The following TPD52L1 variants were observed in gnomAD, a reference collection of about 807,000 sequenced individuals.
The protein encoded by TPD52L1 is tumor protein D53.
In TPD52L1, 18 loss-of-function variants were observed where a neutral mutation model predicts 28.7. The observed-to-expected ratio is 0.63, with a 90% CI of 0.43 to 0.93. TPD52L1 has a LOEUF of 0.93. Among genes scored for constraint, TPD52L1 ranks in the 40% least tolerant of loss-of-function variants. The probability of loss-of-function intolerance (pLI) is 0.00; values close to 1 mark genes in which losing one functional copy is unlikely to be tolerated. For synonymous variants in TPD52L1, 75 were observed against 88.8 expected, an observed-to-expected ratio of 0.84 and a Z score of 0.88; for missense variants, 203 against 254.8, an observed-to-expected ratio of 0.80 and a Z score of 1.39.
intron 2 of TPD52L1, among the ~76,000 whole-genome samples, chr6:125,221,271 T>A (rs560058547): frequency 6.8e-4 from 104 of 152,284 alleles, no homozygotes; most frequent in Non-Finnish European, 1.3e-3. Context: ...TTTAGCTGGG[T>A]CTGTCTGTGG....
chr6:125,236,729 CAG>C (rs1013643996), intron 3 of TPD52L1, among the ~76,000 whole-genome samples: 1 of 152,134 alleles, frequency 6.6e-6, no homozygotes, highest in Non-Finnish European at 1.5e-5. Context: ...TCAGGCCACA[CAG>C]AGTCAGTGGC....
At chr6:125,208,291 A>C (rs1794285693) in intron 1 of TPD52L1, among the ~76,000 whole-genome samples, 1 of 152,204 alleles carries the variant, frequency 6.6e-6, no homozygotes, top group African/African-American at 2.4e-5. Context: ...TGTTACTAGG[A>C]TTCAGCTGGG....
At chr6:125,171,401 G>A (rs974686136) in intron 1 of TPD52L1, among the ~76,000 whole-genome samples, 3 of 152,146 alleles carry the variant, frequency 2.0e-5, no homozygotes, top group African/African-American at 7.2e-5. Context: ...TAGAGCATGG[G>A]CAAGACAGTA....
At chr6:125,164,272 A>G (rs1009502290) in intron 1 of TPD52L1, among the ~76,000 whole-genome samples, 1 of 152,234 alleles carries the variant, frequency 6.6e-6, no homozygotes, top group African/African-American at 2.4e-5. Context: ...GTCTGGGAAT[A>G]TGAATGGGAC....
intron 1 of TPD52L1, among the ~76,000 whole-genome samples, chr6:125,187,462 C>G (rs552698460): frequency 4.2e-4 from 64 of 152,082 alleles, no homozygotes; most frequent in Non-Finnish European, 8.4e-4. Flanking sequence ...CATTGCAGCA[C>G]TGGTTATAGT....
chr6:125,245,729 C>A (rs559702812), intron 3 of TPD52L1, among the ~76,000 whole-genome samples: 1 of 152,156 alleles, frequency 6.6e-6, no homozygotes, highest in Non-Finnish European at 1.5e-5. Flanking sequence ...CCAGCTCCCA[C>A]GCAGTTGGCG....
chr6:125,231,921 G>A (rs1260726), intron 3 of TPD52L1, among the ~76,000 whole-genome samples: 5 of 152,188 alleles, frequency 3.3e-5, no homozygotes, highest in Non-Finnish European at 7.3e-5. Flanking sequence ...GTTCGTAAAG[G>A]CTGCAGGACA....
In TPD52L1 at chr6:125,219,471, C is replaced by A. The variant is rs369864858; in HGVS notation, c.20-607C>A. Among the ~76,000 whole-genome samples the A allele has an allele frequency of 2.7e-4, 41 of 152,298 alleles. No homozygotes were observed. In the East Asian group the frequency reaches 7.3e-3, roughly 27 times the overall value. The stretch of plus-strand genomic sequence containing the variant: ...AAAGGCTTCATATTTTAAATTCTAA[C>A]CTCAAGGTTGTTGTGGACGACCCAG... On this transcript the variant is annotated intron_variant, in intron 1 of 6. Transcript: ENST00000534000.
chr6:125,172,344 G>C (rs914217983), intron 1 of TPD52L1, among the ~76,000 whole-genome samples: 2 of 138,482 alleles, frequency 1.4e-5, no homozygotes, highest in Non-Finnish European at 3.1e-5. Flanking sequence ...ACCCAGACTA[G>C]AGTGCAGTGG....
Position 125,184,515 on chromosome 6 carries a change from T to C in TPD52L1, c.19+30545T>C, listed in dbSNP as rs143387375. Among the ~76,000 whole-genome samples the C allele has an allele frequency of 4.1e-3, 628 of 152,336 alleles. 4 individuals are homozygous for C. The highest frequency in any genetic ancestry group is 0.014 in the African/African-American group (598 of 41,582). On this transcript the variant is annotated intron_variant, in intron 1 of 6. Coordinates refer to ENST00000534000, the MANE Select transcript of TPD52L1 (RefSeq NM_003287.4). Reference sequence around the variant, plus strand: ...CCAAAGAGGCCAGCTTCCAGCACTTTGCAGCAAAGGCAGGTATGTCCACAC... The same window carrying C: ...CCAAAGAGGCCAGCTTCCAGCACTTCGCAGCAAAGGCAGGTATGTCCACAC...
chr6:125,221,981 G>C lies in TPD52L1; in HGVS notation c.135+1788G>C, dbSNP rs531638202. The C allele has an allele frequency of 3.3e-5, 5 of 152,330 alleles. No homozygotes were observed. In the South Asian group the frequency reaches 1.0e-3, roughly 32 times the overall value. The allele number at this position is 152,330 out of a possible 1,614,324, so 9.4% of individuals were successfully genotyped here. On this transcript the variant is annotated intron_variant, in intron 2 of 6. Coordinates refer to ENST00000534000, the MANE Select transcript of TPD52L1 (RefSeq NM_003287.4). ...CACATGAGCACAGCTCTCTGCCCCAGGCCTGGTGAAAAGCAGAGAAAGTGT... is the reference window on the plus strand; with the variant it reads ...CACATGAGCACAGCTCTCTGCCCCACGCCTGGTGAAAAGCAGAGAAAGTGT...
intron 1 of TPD52L1, among the ~76,000 whole-genome samples, chr6:125,206,667 TTGAA>T (rs1013993455): frequency 6.6e-6 from 1 of 152,180 alleles, no homozygotes; most frequent in African/African-American, 2.4e-5. Context: ...ATGGAGGACT[TTGAA>T]TGATTATATA....
chr6:125,172,541 T>TATATATTATATATATATATA (rs1562214699), intron 1 of TPD52L1, among the ~76,000 whole-genome samples: 2 of 95,134 alleles, frequency 2.1e-5, no homozygotes, highest in African/African-American at 9.6e-5. Flanking sequence ...TATATATATA[T>TATATATTATATATATATATA]ATATATATAT....
At chr6:125,262,671 C>A in intron 6 of TPD52L1, 163 bp from the exon 7 acceptor site, 1 of 931,528 alleles carries the variant, frequency 1.1e-6, no homozygotes, top group Non-Finnish European at 1.5e-6. Context: ...GAATAATATT[C>A]TAGCACTCTA....
At chr6:125,228,182 T>C (rs903423752) in intron 2 of TPD52L1, among the ~76,000 whole-genome samples, 2 of 151,916 alleles carry the variant, frequency 1.3e-5, no homozygotes, top group African/African-American at 4.8e-5. Context: ...GGAAAGAAAG[T>C]CAGTCAGTGG....
chr6:125,176,193 G>A (rs367756776), intron 1 of TPD52L1, among the ~76,000 whole-genome samples: 98 of 152,296 alleles, frequency 6.4e-4, no homozygotes, highest in South Asian at 4.8e-3. Context: ...ATAATTTGGT[G>A]GCATTTTCTT....
rs532328158 is a variant in TPD52L1, at chr6:125,233,335, G to T, written c.284+4069G>T. ...TATGATTTATTTACTCTTTGATTTTGTTCTTCTAAGACTTCCAGGCCATTA... is the reference window on the plus strand; with the variant it reads ...TATGATTTATTTACTCTTTGATTTTTTTCTTCTAAGACTTCCAGGCCATTA... On this transcript the variant is annotated intron_variant, in intron 3 of 6. Transcript: ENST00000534000. Among the ~76,000 whole-genome samples the T allele has an allele frequency of 3.9e-5, 6 of 152,230 alleles. No homozygotes were observed. The East Asian group carries it at 1.2e-3, about 29-fold the overall frequency.
intron 1 of TPD52L1, among the ~76,000 whole-genome samples, chr6:125,216,431 T>C (rs1794879675): frequency 6.6e-6 from 1 of 151,276 alleles, no homozygotes; most frequent in Admixed American, 6.6e-5. Context: ...ATTGAAAATA[T>C]ATAAATGTAT....
chr6:125,201,009 G>A lies in TPD52L1; in HGVS notation c.20-19069G>A, dbSNP rs558809816. The stretch of plus-strand genomic sequence containing the variant: ...CAGACAGGGTTGGCACATTGTTACA[G>A]CAATTTGATTGGTTTATAGGCAGCG... On this transcript the variant is annotated intron_variant, in intron 1 of 6. Transcript: ENST00000534000. 2.6e-5 allele frequency among the ~76,000 whole-genome samples: 4 copies of A among 152,296 alleles called. No homozygotes were observed. The South Asian group carries it at 8.3e-4, about 32-fold the overall frequency.
Sources: gnomAD v4.1 joint callset for allele counts (sites outside exome capture counted in the v4.1 genomes callset) on GRCh38, gnomAD v4.1.1 for gene constraint, MANE v1.5 for transcripts, NCBI Gene and HGNC (gene_info 2026-07-23, HGNC 2026-07-21) for gene names.